Variants in C3orf49 observed in about 807,000 individuals in gnomAD.
C3orf49 encodes chromosome 3 open reading frame 49, also known as putative uncharacterized protein C3orf49.
Under a neutral mutation model 13.3 loss-of-function variants are expected in C3orf49, and 27 were observed. That is an observed-to-expected ratio of 2.02 (90% CI 1.49 to 2.79). C3orf49 has a LOEUF of 2.79. Ranked by LOEUF, C3orf49 falls within the 30% of genes most tolerant of loss-of-function variation. The pLI is 0.00. For missense variants in C3orf49, 242 were observed against 134.2 expected, an observed-to-expected ratio of 1.80 and a Z score of -3.97; for synonymous variants, 87 against 47.6, an observed-to-expected ratio of 1.83 and a Z score of -3.40.
intron 2 of C3orf49, 33 bp from the exon 3 acceptor site, chr3:63,827,568 C>A (rs992194766): frequency 1.4e-6 from 1 of 696,872 alleles, no homozygotes; most frequent in Non-Finnish European, 2.6e-6. Context: ...TCATTGTGAT[C>A]CTTACAGATT....
At chr3:63,812,291 T>C in the C3orf49 span, among the ~76,000 whole-genome samples, 1 of 152,270 alleles carries the variant, frequency 6.6e-6, no homozygotes, top group East Asian at 1.9e-4. Context: ...CTAAAAACAT[T>C]TTTTTAATCA....
upstream of C3orf49, among the ~76,000 whole-genome samples, chr3:63,816,651 C>G (rs188172406): frequency 6.6e-6 from 1 of 151,656 alleles, no homozygotes; most frequent in Non-Finnish European, 1.5e-5. Flanking sequence ...AGATCAAGAC[C>G]AAAACCTTTA....
the C3orf49 span, among the ~76,000 whole-genome samples, chr3:63,804,087 G>A: frequency 6.6e-6 from 1 of 152,012 alleles, no homozygotes. Context: ...TCTGACAGGA[G>A]GCGGAGCTCA....
chr3:63,811,609 C>T, the C3orf49 span, among the ~76,000 whole-genome samples: 1 of 151,578 alleles, frequency 6.6e-6, no homozygotes, highest in Non-Finnish European at 1.5e-5. Flanking sequence ...GAGCCAGGCA[C>T]ACTGGCTCAC....
intron 2 of C3orf49, among the ~76,000 whole-genome samples, chr3:63,826,390 G>A (rs1464476868): frequency 6.6e-6 from 1 of 152,160 alleles, no homozygotes; most frequent in Non-Finnish European, 1.5e-5. Context: ...GAGATAAAGG[G>A]AGAAATAAGC....
chr3:63,805,995 C>T, the C3orf49 span, among the ~76,000 whole-genome samples: 6 of 152,060 alleles, frequency 3.9e-5, no homozygotes, highest in East Asian at 1.9e-4. Flanking sequence ...CGCAGTGCCC[C>T]GCCCCCATTT....
chr3:63,790,170 A>T, the C3orf49 span, among the ~76,000 whole-genome samples: 2 of 152,086 alleles, frequency 1.3e-5, no homozygotes, highest in African/African-American at 2.4e-5. Context: ...TCTATCCATC[A>T]ATAAGAGAGG....
At chr3:63,820,196 G>A (rs1701376030) in intron 1 of C3orf49, among the ~76,000 whole-genome samples, 2 of 152,102 alleles carry the variant, frequency 1.3e-5, no homozygotes, top group South Asian at 4.1e-4. Context: ...CTCTTACCAG[G>A]TCCATGGGCT....
the C3orf49 span, among the ~76,000 whole-genome samples, chr3:63,781,020 T>C: frequency 1.3e-5 from 2 of 151,368 alleles, no homozygotes; most frequent in Non-Finnish European, 2.9e-5. Context: ...AATTTTGTCT[T>C]TTGTTGCCAT....
chr3:63,840,700 C>G (rs2107128803), intron 5 of C3orf49, among the ~76,000 whole-genome samples: 1 of 152,288 alleles, frequency 6.6e-6, no homozygotes, highest in African/African-American at 2.4e-5. Context: ...CTTTCCTGGA[C>G]AAAATGATGC....
upstream of C3orf49, among the ~76,000 whole-genome samples, chr3:63,817,892 A>T (rs1701343560): frequency 6.6e-6 from 1 of 152,212 alleles, no homozygotes; most frequent in Non-Finnish European, 1.5e-5. Context: ...AATTGATGAA[A>T]TACAACAGAA....
upstream of C3orf49, chr3:63,819,274 A>G: frequency 1.9e-6 from 1 of 525,140 alleles, no homozygotes; most frequent in Non-Finnish European, 3.4e-6. Flanking sequence ...GAAGTTGTAA[A>G]CAGGGCCAGT....
At chr3:63,782,591 CTT>C in the C3orf49 span, 1 of 152,148 alleles carries the variant, frequency 6.6e-6, no homozygotes. Flanking sequence ...AACTAACAGG[CTT>C]TCACAGAAGT....
chr3:63,826,278 G>A (rs1441264995), intron 2 of C3orf49, among the ~76,000 whole-genome samples: 1 of 152,164 alleles, frequency 6.6e-6, no homozygotes, highest in Non-Finnish European at 1.5e-5. Context: ...AGACTGGATT[G>A]GATGAGGGTA....
the C3orf49 span, among the ~76,000 whole-genome samples, chr3:63,786,630 A>G: frequency 3.3e-5 from 5 of 152,232 alleles, no homozygotes; most frequent in African/African-American, 7.2e-5. Flanking sequence ...GCAATATTTT[A>G]TCAAGTTGTT....
At chr3:63,840,536 A>G (rs1372055290) in intron 5 of C3orf49, among the ~76,000 whole-genome samples, 1 of 152,186 alleles carries the variant, frequency 6.6e-6, no homozygotes, top group Non-Finnish European at 1.5e-5. Context: ...GGCTGCATTG[A>G]GCCATGATCT....
At chr3:63,781,923 T>C in the C3orf49 span, among the ~76,000 whole-genome samples, 1 of 152,208 alleles carries the variant, frequency 6.6e-6, no homozygotes, top group East Asian at 1.9e-4. Flanking sequence ...GAAATGGAAA[T>C]TGTAAGACAT....
At chr3:63,847,766 CA>C (rs1370917058) in intron 6 of C3orf49, among the ~76,000 whole-genome samples, 2 of 152,214 alleles carry the variant, frequency 1.3e-5, no homozygotes, top group East Asian at 3.9e-4. Flanking sequence ...CAAACTCTGA[CA>C]TAACTTTTAG....
upstream of C3orf49, among the ~76,000 whole-genome samples, chr3:63,818,531 C>T (rs1295438873): frequency 1.3e-5 from 2 of 152,160 alleles, no homozygotes; most frequent in Non-Finnish European, 2.9e-5. Flanking sequence ...CTTAAAAAGA[C>T]CTCCAGGAAG....
Sources: gnomAD v4.1 joint callset for allele counts (sites outside exome capture counted in the v4.1 genomes callset) on GRCh38, gnomAD v4.1.1 for gene constraint, MANE v1.5 for transcripts, NCBI Gene and HGNC (gene_info 2026-07-23, HGNC 2026-07-21) for gene names.